Variants in RFX4 observed in about 807,000 individuals in gnomAD.
RFX4 encodes transcription factor RFX4.
Under a neutral mutation model 95.0 loss-of-function variants are expected in RFX4, and 10 were observed. The ratio of observed to expected loss-of-function variants is 0.11; its 90% CI spans 0.06 to 0.18. The LOEUF is 0.18. Ranked by LOEUF, RFX4 falls within the 10% of genes least tolerant of loss-of-function variation. The probability of loss-of-function intolerance (pLI) is 1.00; values close to 1 mark genes in which losing one functional copy is unlikely to be tolerated. For synonymous variants in RFX4, 321 were observed against 340.7 expected (o/e 0.94, Z 0.64); for missense variants, 640 against 922.0 (o/e 0.69, Z 3.96).
At chr12:106,597,719 G>A (rs1051838944) in intron 1 of RFX4, among the ~76,000 whole-genome samples, 1 of 152,126 alleles carries the variant, frequency 6.6e-6, no homozygotes, top group South Asian at 2.1e-4. Flanking sequence ...ACATGGCCAG[G>A]TGTGGTGGCT....
At position 106,583,360 on chromosome 12, in the gene RFX4, A is replaced by G; in HGVS notation, c.40A>G (p.Thr14Ala). 8.2e-6 allele frequency: 13 copies of G among 1,584,544 alleles called. No individual in the cohort carries two copies. Among genetic ancestry groups the G allele is most frequent in the Non-Finnish European group, 1.1e-5 (13 of 1,169,336 alleles). ...GLLEEPDMDSTESWIERCLNE... is the reference protein window; with the variant it reads ...GLLEEPDMDSAESWIERCLNE... Reference sequence around the variant, plus strand: ...ACTGGAGGAACCCGACATGGATTCCACAGGTTAGTCCTACTGGCGGGGTTG... The same window carrying G: ...ACTGGAGGAACCCGACATGGATTCCGCAGGTTAGTCCTACTGGCGGGGTTG... The change falls in exon 1 of 18, where the codon ACA (threonine) becomes GCA (alanine). Residue 14 changes from threonine (T) to alanine (A), a missense_variant. Physicochemically the swap from Thr to Ala is moderately conservative, Grantham distance 58. Transcript: ENST00000392842.
At chr12:106,683,468 A>G (rs1592934270) in intron 5 of RFX4, 4 of 62,368 alleles carry the variant, frequency 6.4e-5, no homozygotes, top group African/African-American at 2.2e-4. Flanking sequence ...ACTATTCTGA[A>G]AAAAAAAAAA....
intron 3 of RFX4, 36 bp downstream of exon 3, chr12:106,639,428 G>A (rs1312450100): frequency 1.3e-6 from 2 of 1,579,140 alleles, no homozygotes; most frequent in Non-Finnish European, 1.7e-6. Context: ...TGTCTTCAGA[G>A]GATGCTCATA....
chr12:106,682,066 A>G lies in RFX4; in HGVS notation c.377+12A>G, dbSNP rs2041525476. The G allele has an allele frequency of 1.2e-6, 2 of 1,613,886 alleles. No individual in the cohort carries two copies. The highest frequency in any genetic ancestry group is 1.7e-6 in the Non-Finnish European group (2 of 1,179,956). On this transcript the variant is annotated intron_variant, in intron 5 of 17. Coordinates refer to ENST00000392842, the MANE Select transcript of RFX4 (RefSeq NM_213594.3). ...CGAGGACAGTCAAAGTAAGCACCGG[A>G]CGGCCATTCCACCTGCAGAGCGCAC...
intron 2 of RFX4, among the ~76,000 whole-genome samples, chr12:106,627,023 C>T (rs11113064): frequency 0.15 from 22,359 of 152,132 alleles, 1,669 homozygotes; most frequent in African/African-American, 0.19. Context: ...GTGTCCCGTT[C>T]CCTCTGCCCT....
chr12:106,668,074 T>G (rs2041212759), intron 4 of RFX4, among the ~76,000 whole-genome samples: 1 of 152,194 alleles, frequency 6.6e-6, no homozygotes, highest in South Asian at 2.1e-4. Context: ...ATTAGTGGTC[T>G]TACTTTTCTC....
At chr12:106,683,452 A>C (rs1262384819) in intron 5 of RFX4, 1 of 131,052 alleles carries the variant, frequency 7.6e-6, no homozygotes, top group Non-Finnish European at 1.6e-5. Context: ...ATAATTTTCC[A>C]AGATGACTAT....
intron 17 of RFX4, among the ~76,000 whole-genome samples, chr12:106,758,002 T>A (rs2043140435): frequency 6.6e-6 from 1 of 152,208 alleles, no homozygotes; most frequent in African/African-American, 2.4e-5. Context: ...AACTGGTGAC[T>A]TATGTCCTTT....
intron 10 of RFX4, among the ~76,000 whole-genome samples, chr12:106,711,986 T>C (rs1159054206): frequency 6.6e-6 from 1 of 152,356 alleles, no homozygotes; most frequent in Non-Finnish European, 1.5e-5. Flanking sequence ...TAAGTAAAAG[T>C]GGAAGATCCC....
At chr12:106,622,836 G>A (rs917169424) in intron 2 of RFX4, among the ~76,000 whole-genome samples, 9 of 5,238 alleles carry the variant, frequency 1.7e-3, no homozygotes, top group African/African-American at 6.0e-3. Context: ...GGCCAGGATG[G>A]TCTCGATCTC....
chr12:106,705,240 C>T (rs562411518), intron 8 of RFX4, among the ~76,000 whole-genome samples: 1 of 152,346 alleles, frequency 6.6e-6, no homozygotes, highest in South Asian at 2.1e-4. Flanking sequence ...TAAAAGGTAA[C>T]TGCTGTTATC....
chr12:106,696,675 G>C (rs1174392275), intron 8 of RFX4, among the ~76,000 whole-genome samples: 1 of 152,284 alleles, frequency 6.6e-6, no homozygotes, highest in African/African-American at 2.4e-5. Context: ...ATGGTGTACA[G>C]TAAACAATCT....
At chr12:106,587,955 T>C (rs1053188226) in intron 1 of RFX4, among the ~76,000 whole-genome samples, 3 of 152,190 alleles carry the variant, frequency 2.0e-5, no homozygotes, top group African/African-American at 7.2e-5. Flanking sequence ...ACTTGTAATA[T>C]GACTTTAGGT....
intron 15 of RFX4, among the ~76,000 whole-genome samples, chr12:106,739,988 C>T (rs1455104980): frequency 6.6e-6 from 1 of 152,204 alleles, no homozygotes; most frequent in Non-Finnish European, 1.5e-5. Flanking sequence ...AGCTCCTACT[C>T]TGTCCCATCG....
rs148504203 is a variant in RFX4 at position 106,625,458 on chromosome 12, C to T, written c.131-13874C>T. 9.7e-3 allele frequency among the ~76,000 whole-genome samples: 1,475 copies of T among 152,252 alleles called. 11 individuals are homozygous for T. Among genetic ancestry groups the T allele is most frequent in the Middle Eastern group, 0.014 (4 of 294 alleles). Reference sequence around the variant, plus strand: ...ATTCAGGTCTCATGAATTCTCACTTCCAATCTAAACAATTGCATTTTTCCC... The same window carrying T: ...ATTCAGGTCTCATGAATTCTCACTTTCAATCTAAACAATTGCATTTTTCCC... On this transcript the variant is annotated intron_variant, in intron 2 of 17. Transcript: ENST00000392842.
At position 106,747,490 on chromosome 12, in the gene RFX4, G is replaced by T; in HGVS notation, c.1687G>T (p.Gly563Trp). 6.2e-7 allele frequency: 1 copy of T among 1,614,146 alleles called. No individual in the cohort carries two copies. Among genetic ancestry groups the T allele is most frequent in the Non-Finnish European group, 8.5e-7 (1 of 1,180,008 alleles). The change falls in exon 16 of 18, where the codon GGG (glycine) becomes TGG (tryptophan). Residue 563 changes from glycine (G) to tryptophan (W), a missense_variant. Coordinates refer to ENST00000392842, the MANE Select transcript of RFX4 (RefSeq NM_213594.3). ...SLTYTVTTAA[G>W]SPAENSQQLP... ...AACATACACAGTGACGACGGCTGCT[G>T]GGTCCCCAGCTGAGAACTCCCAACA...
At chr12:106,715,158 A>G (rs2042263549) in intron 10 of RFX4, 1 of 446,490 alleles carries the variant, frequency 2.2e-6, no homozygotes, top group South Asian at 3.0e-5. Flanking sequence ...GGTCTGGCCT[A>G]GCCCACCCTC....
At chr12:106,585,048 A>G (rs1228158676) in intron 1 of RFX4, among the ~76,000 whole-genome samples, 1 of 152,088 alleles carries the variant, frequency 6.6e-6, no homozygotes, top group Middle Eastern at 3.2e-3. Flanking sequence ...CGCCCTCACC[A>G]CCTCCTGAGA....
In RFX4 at chr12:106,711,331, T is replaced by A. The variant is rs2042187922; in HGVS notation, c.935-122T>A. On this transcript the variant is annotated intron_variant, in intron 9 of 17. Coordinates refer to ENST00000392842, the MANE Select transcript of RFX4 (RefSeq NM_213594.3). ...TTGCCAGTGGGTACATAAAATGGGA[T>A]TGGGCAGTGAGATAAACGTAGGCAA... 1.0e-5 allele frequency: 8 copies of A among 802,718 alleles called. 1 individual carries two copies. Among genetic ancestry groups the A allele is most frequent in the South Asian group, 4.7e-5 (3 of 63,898 alleles). 49.7% of individuals were successfully genotyped at this position (802,718 alleles called of 1,614,324 possible).
Sources: gnomAD v4.1 joint callset for allele counts (sites outside exome capture counted in the v4.1 genomes callset) on GRCh38, gnomAD v4.1.1 for gene constraint, MANE v1.5 for transcripts, NCBI Gene and HGNC (gene_info 2026-07-23, HGNC 2026-07-21) for gene names.